CSMD1: variants seen among roughly 807,000 people sequenced by gnomAD.
The protein encoded by CSMD1 is CUB and Sushi multiple domains 1.
A neutral mutation model predicts 417.5 loss-of-function variants in CSMD1; 213 were observed. That is an observed-to-expected ratio of 0.51 (90% confidence interval 0.46 to 0.57). The LOEUF (loss-of-function observed/expected upper bound fraction) is 0.57, where lower values mean the gene tolerates loss of function less well. Among genes scored for constraint, CSMD1 ranks in the 20% least tolerant of loss-of-function variants. CSMD1 has a pLI of 0.00. For missense variants in CSMD1, 6,923 were observed against 4,529.7 expected, an observed-to-expected ratio of 1.53 and a Z score of -15.17; for synonymous variants, 2,862 against 1,736.8, an observed-to-expected ratio of 1.65 and a Z score of -16.11.
intron 6 of CSMD1, among the ~76,000 whole-genome samples, chr8:3,733,433 G>A (rs905761293): frequency 4.0e-5 from 6 of 150,680 alleles, no homozygotes; most frequent in Non-Finnish European, 5.9e-5. Flanking sequence ...TTTTGATTTG[G>A]TGTATGTATG....
chr8:4,399,407 G>T lies in CSMD1; in HGVS notation c.415+20546C>A, dbSNP rs146825897. Among the ~76,000 whole-genome samples, 1,311 of 152,316 alleles carry T rather than the reference G, an allele frequency of 8.6e-3. 8 individuals carry two copies. The highest frequency in any genetic ancestry group is 0.015 in the Non-Finnish European group (1,004 of 68,006). ...GTTTCAAACATAGGCAAGGGCTAAA[G>T]AGGTTAACGTCATATGTGAGAAATT... On this transcript the variant is annotated intron_variant, in intron 3 of 69. Coordinates refer to ENST00000635120, the MANE Select transcript of CSMD1 (RefSeq NM_033225.6).
intron 7 of CSMD1, among the ~76,000 whole-genome samples, chr8:3,628,614 G>C (rs1056734236): frequency 1.1e-4 from 17 of 152,154 alleles, no homozygotes; most frequent in African/African-American, 3.9e-4. Context: ...GGAAGAGGGA[G>C]TGTCTCAGAG....
intron 5 of CSMD1, among the ~76,000 whole-genome samples, chr8:3,791,009 T>C (rs1799707796): frequency 6.6e-6 from 1 of 152,226 alleles, no homozygotes; most frequent in South Asian, 2.1e-4. Flanking sequence ...TGCAACACCT[T>C]CAGGTTATAA....
rs751225742 is a variant in CSMD1 at position 2,938,699 on chromosome 8, G to C, written c.10581C>G (p.Asn3527Lys). 2.8e-5 allele frequency: 45 copies of C among 1,611,722 alleles called. No individual in the cohort carries two copies. Among genetic ancestry groups the C allele is most frequent in the Non-Finnish European group, 3.6e-5 (43 of 1,178,890 alleles). Residue 3527 changes from asparagine to lysine, a missense_variant, in exon 70 of 70, where the codon AAC becomes AAG. Coordinates refer to ENST00000635120, the MANE Select transcript of CSMD1 (RefSeq NM_033225.6). Reference sequence around the variant, plus strand: ...TTTCAAACGATGCTTGTCCATTGCTGTTTTCATGCCCAGCATAGCCATTGT... The same window carrying C: ...TTTCAAACGATGCTTGTCCATTGCTCTTTTCATGCCCAGCATAGCCATTGT... Reference protein sequence around the residue: ...VQYNGYAGHENSNGQASFENP... With the variant: ...VQYNGYAGHEKSNGQASFENP...
intron 5 of CSMD1, among the ~76,000 whole-genome samples, chr8:3,973,156 T>G (rs1380483312): frequency 6.6e-6 from 1 of 152,218 alleles, no homozygotes; most frequent in Non-Finnish European, 1.5e-5. Context: ...CGAATCCATG[T>G]TTTGTCTGAA....
intron 49 of CSMD1, among the ~76,000 whole-genome samples, chr8:3,057,593 CTTAA>C (rs1457817095): frequency 6.6e-6 from 1 of 152,026 alleles, no homozygotes; most frequent in African/African-American, 2.4e-5. Flanking sequence ...TGCTTTTTTA[CTTAA>C]TTTTCACTAC....
intron 2 of CSMD1, among the ~76,000 whole-genome samples, chr8:4,484,708 G>A (rs889179858): frequency 3.9e-5 from 6 of 151,990 alleles, no homozygotes; most frequent in Admixed American, 1.3e-4. Flanking sequence ...GATGGCTCAC[G>A]CCTGTAATCT....
chr8:3,339,160 T>C (rs190187227), intron 23 of CSMD1, among the ~76,000 whole-genome samples: 1 of 152,066 alleles, frequency 6.6e-6, no homozygotes. Flanking sequence ...ACAAAGGACA[T>C]GAACTCATCA....
chr8:2,983,360 G>A (rs1202395401), intron 54 of CSMD1, among the ~76,000 whole-genome samples: 1 of 151,910 alleles, frequency 6.6e-6, no homozygotes, highest in African/African-American at 2.4e-5. Flanking sequence ...CTAATTTTTT[G>A]TATTTTTAGT....
chr8:4,606,591 G>A (rs1333923448), intron 2 of CSMD1, among the ~76,000 whole-genome samples: 2 of 152,162 alleles, frequency 1.3e-5, no homozygotes, highest in Admixed American at 1.3e-4. Flanking sequence ...CAGGTAATGA[G>A]GGAGAACCAC....
At chr8:3,084,524 CAAAA>C (rs201491681) in intron 49 of CSMD1, among the ~76,000 whole-genome samples, 125 of 97,542 alleles carry the variant, frequency 1.3e-3, no homozygotes, top group African/African-American at 4.8e-3. Context: ...AACTCCGTCT[CAAAA>C]AAAAAAAAAA....
chr8:4,433,578 T>A (rs570828160), intron 2 of CSMD1, among the ~76,000 whole-genome samples: 1 of 152,210 alleles, frequency 6.6e-6, no homozygotes, highest in East Asian at 1.9e-4. Context: ...AACAGAGAGA[T>A]GAAAAGCGCC....
intron 36 of CSMD1, chr8:3,183,220 T>C (rs1821531958): frequency 8.8e-6 from 1 of 113,672 alleles, no homozygotes; most frequent in African/African-American, 2.9e-5. Flanking sequence ...AGTAGGTCTC[T>C]AACGTTTCTT....
intron 3 of CSMD1, among the ~76,000 whole-genome samples, chr8:4,108,051 GAGACAGAGA>G (rs1801659752): frequency 4.8e-4 from 1 of 2,104 alleles, no homozygotes; most frequent in Non-Finnish European, 9.5e-4. Context: ...AAGAGAGACA[GAGACAGAGA>G]CAGAGACAGA....
At chr8:4,931,048 CCTTGA>C (rs1367094916) in intron 1 of CSMD1, among the ~76,000 whole-genome samples, 1 of 152,130 alleles carries the variant, frequency 6.6e-6, no homozygotes, top group Non-Finnish European at 1.5e-5. Flanking sequence ...CCTTACAAAT[CCTTGA>C]CTTATCTGTA....
At chr8:4,306,526 T>C (rs1009687864) in intron 3 of CSMD1, among the ~76,000 whole-genome samples, 14 of 152,202 alleles carry the variant, frequency 9.2e-5, no homozygotes, top group African/African-American at 3.1e-4. Context: ...CCACTGCTCA[T>C]CTTGAAGACA....
intron 5 of CSMD1, among the ~76,000 whole-genome samples, chr8:3,825,764 T>C (rs1427948204): frequency 1.3e-5 from 2 of 152,058 alleles, no homozygotes; most frequent in Non-Finnish European, 2.9e-5. Context: ...ACATGAACTG[T>C]GGAAATGTAG....
intron 10 of CSMD1, among the ~76,000 whole-genome samples, chr8:3,545,153 C>G (rs1318383456): frequency 6.6e-6 from 1 of 152,154 alleles, no homozygotes; most frequent in Non-Finnish European, 1.5e-5. Context: ...TACTTGCAAT[C>G]TATTACAGTA....
intron 10 of CSMD1, among the ~76,000 whole-genome samples, chr8:3,568,922 G>C (rs968756419): frequency 1.3e-5 from 2 of 152,072 alleles, no homozygotes; most frequent in African/African-American, 2.4e-5. Context: ...ATAAACTTTT[G>C]AGAGAATTTT....
Sources: gnomAD v4.1 joint callset for allele counts (sites outside exome capture counted in the v4.1 genomes callset) on GRCh38, gnomAD v4.1.1 for gene constraint, MANE v1.5 for transcripts, NCBI Gene and HGNC (gene_info 2026-07-23, HGNC 2026-07-21) for gene names.